The following SENP1 variants were observed in gnomAD, a reference collection of about 807,000 sequenced individuals.
SENP1 encodes the protein SUMO specific peptidase 1.
SENP1 carries 21 observed loss-of-function variants against 93.0 expected under a neutral mutation model. The observed-to-expected ratio is 0.23, with a 90% confidence interval of 0.16 to 0.33. SENP1 has a LOEUF of 0.33. Ranked by LOEUF, SENP1 falls within the 10% of genes least tolerant of loss-of-function variation. SENP1 has a pLI of 1.00. For synonymous variants in SENP1, 256 were observed against 259.6 expected, an observed-to-expected ratio of 0.99 and a Z score of 0.13; for missense variants, 591 against 758.7, an observed-to-expected ratio of 0.78 and a Z score of 2.60.
chr12:48,063,074 C>T (rs1943063967), intron 13 of SENP1, among the ~76,000 whole-genome samples: 1 of 152,084 alleles, frequency 6.6e-6, no homozygotes, highest in African/African-American at 2.4e-5. Flanking sequence ...AAACAGGTAC[C>T]TACAGGTTTA....
intron 12 of SENP1, 70 bp downstream of exon 12, chr12:48,064,995 G>A: frequency 8.6e-7 from 1 of 1,169,518 alleles, no homozygotes; most frequent in East Asian, 2.3e-5. Context: ...TTTTATGTTT[G>A]AAACTCATCC....
At chr12:48,062,530 G>A (rs1943026239) in intron 13 of SENP1, among the ~76,000 whole-genome samples, 2 of 152,170 alleles carry the variant, frequency 1.3e-5, no homozygotes, top group African/African-American at 4.8e-5. Context: ...AAAAGAATGG[G>A]GCTGGCCCCA....
intron 13 of SENP1, among the ~76,000 whole-genome samples, chr12:48,051,868 C>T (rs537423900): frequency 6.6e-6 from 1 of 152,324 alleles, no homozygotes; most frequent in South Asian, 2.1e-4. Flanking sequence ...GAGTCCTGTG[C>T]TTGCTATTTG....
intron 13 of SENP1, among the ~76,000 whole-genome samples, chr12:48,053,334 C>T: frequency 6.6e-6 from 1 of 151,844 alleles, no homozygotes; most frequent in East Asian, 1.9e-4. Context: ...ACAAAAAAGC[C>T]AGGCATGGTG....
Position 48,088,901 on chromosome 12 carries a change from C to T in SENP1, c.280G>A (p.Ala94Thr), listed in dbSNP as rs1220214600. ...SGDLRTFGQS[A>T]NGQWRNSTPS... The stretch of plus-strand genomic sequence containing the variant: ...GTAGAATTTCTCCATTGGCCATTTG[C>T]ACTCTGGCCAAAGGTTCTTAAATCG... The change falls in exon 5 of 18, where the codon GCA becomes ACA. Residue 94 changes from alanine (A) to threonine (T), a missense_variant. Around this residue, in one of 4 missense-constraint regions of SENP1, gnomAD observed 214 missense variants for 243.4 expected, o/e 0.88. Coordinates refer to ENST00000549518, the MANE Select transcript of SENP1 (RefSeq NM_001267594.2). 8 of 1,599,570 alleles carry T rather than the reference C, an allele frequency of 5.0e-6. No individual in the cohort carries two copies. The highest frequency in any genetic ancestry group is 6.8e-6 in the Non-Finnish European group (8 of 1,172,236).
At position 48,056,972 on chromosome 12, in the gene SENP1, TACATATTACATATATAAATATATTATTTA is replaced by T. The variant is rs1565746559; in HGVS notation, c.1407+6709_1407+6737del. Among the ~76,000 whole-genome samples, 13 of 44,948 alleles carry T rather than the reference TACATATTACATATATAAATATATTATTTA, an allele frequency of 2.9e-4. 1 individual carries two copies. Among genetic ancestry groups the T allele is most frequent in the African/African-American group, 1.4e-3 (8 of 5,530 alleles). The allele number at this position is 44,948 out of a possible 152,430, so 29.5% of individuals were successfully genotyped here. ...ATATATAATATATTATTTAATATAT[TACATATTACATATATAAATATATTATTTA>T]ATATATTACATATTACATATATAAA... On this transcript the variant is annotated intron_variant, in intron 13 of 17. Coordinates refer to ENST00000549518, the MANE Select transcript of SENP1 (RefSeq NM_001267594.2).
Position 48,085,481 on chromosome 12 carries a change from C to T in SENP1, c.381-1719G>A, listed in dbSNP as rs376976820. 510 of 592,022 alleles carry T rather than the reference C, an allele frequency of 8.6e-4. 16 individuals carry two copies. The South Asian group carries it at 0.013, about 15-fold the overall frequency. 36.7% of individuals were successfully genotyped at this position (592,022 alleles called of 1,614,324 possible). On this transcript the variant is annotated intron_variant, in intron 5 of 17. Transcript: ENST00000549518. ...CCTTCCCTCATTCTCAGGCCTCTCC[C>T]CAGGCTTGCCATCAGCCTTCTTTAC...
intron 8 of SENP1, 38 bp from the exon 9 acceptor site, chr12:48,071,759 T>G (rs938733066): frequency 1.3e-5 from 18 of 1,367,230 alleles, no homozygotes; most frequent in Non-Finnish European, 1.9e-5. Context: ...GTAATAAAAC[T>G]CCACAAAGTT....
rs775411964 is a variant in SENP1 at position 48,074,509 on chromosome 12, G to A, written c.755C>T (p.Ser252Leu). 12 of 1,613,902 alleles carry A rather than the reference G, an allele frequency of 7.4e-6. No homozygotes were observed. In the South Asian group the frequency reaches 1.2e-4, roughly 16 times the overall value. ...AGTTAAAATGCTGGCAGATCCAGAT[G>A]ATGAAGTATCAGAGCCAATGATCTG... is the stretch of plus-strand genomic sequence containing the variant. Reference protein sequence around the residue: ...ASQIIGSDTSSSGSASILTNQ... With the variant: ...ASQIIGSDTSLSGSASILTNQ... Residue 252 changes from serine (S) to leucine (L), a missense_variant, in exon 8 of 18, where the codon TCA (serine) becomes TTA (leucine). This residue lies in a region of SENP1 where 238 missense variants were observed against 259.1 expected (regional missense o/e 0.92). Coordinates refer to ENST00000549518, the MANE Select transcript of SENP1 (RefSeq NM_001267594.2).
At chr12:48,074,208 TC>T (rs377090814) in intron 8 of SENP1, 115 bp downstream of exon 8, 701 of 915,362 alleles carry the variant, frequency 7.7e-4, no homozygotes, top group East Asian at 6.3e-3. Context: ...CTTCATATTT[TC>T]AGATTCGGTA....
At chr12:48,103,265 T>C (rs1329129629) in intron 1 of SENP1, among the ~76,000 whole-genome samples, 1 of 152,176 alleles carries the variant, frequency 6.6e-6, no homozygotes, top group Non-Finnish European at 1.5e-5. Flanking sequence ...TTTTACCGAT[T>C]ATATCCAGAG....
chr12:48,084,613 T>C (rs1944718136), intron 5 of SENP1, among the ~76,000 whole-genome samples: 1 of 151,884 alleles, frequency 6.6e-6, no homozygotes, highest in South Asian at 2.1e-4. Context: ...CACACCCAGG[T>C]GATTTTTGTA....
chr12:48,102,425 C>A, intron 1 of SENP1, among the ~76,000 whole-genome samples: 1 of 104,188 alleles, frequency 9.6e-6, no homozygotes, highest in African/African-American at 4.2e-5. Flanking sequence ...GAGCAAGACT[C>A]TGTCTCAAAA....
At chr12:48,064,380 A>C (rs1943154553) in intron 12 of SENP1, among the ~76,000 whole-genome samples, 2 of 152,212 alleles carry the variant, frequency 1.3e-5, no homozygotes. Context: ...TTATCTAAAA[A>C]TGTACACAGA....
At chr12:48,056,678 C>T (rs867885382) in intron 13 of SENP1, among the ~76,000 whole-genome samples, 1 of 90,436 alleles carries the variant, frequency 1.1e-5, no homozygotes, top group Admixed American at 1.9e-4. Context: ...TTACATATTA[C>T]ATATATAAAT....
intron 6 of SENP1, among the ~76,000 whole-genome samples, chr12:48,076,192 C>T (rs1190879269): frequency 6.6e-6 from 1 of 152,238 alleles, no homozygotes; most frequent in Non-Finnish European, 1.5e-5. Flanking sequence ...AACCACCAAT[C>T]CTCAAAACAT....
rs79657807 is a variant in SENP1 at position 48,085,539 on chromosome 12, C to A, written c.381-1777G>T. On this transcript the variant is annotated intron_variant, in intron 5 of 17. Transcript: ENST00000549518. ...GCCTCTAATTTCCAAGTCCCTGCCC[C>A]TTCCCACTCCATTAAGAGGCTAGGT... 352 of 503,980 alleles carry A rather than the reference C, an allele frequency of 7.0e-4. 2 individuals carry two copies. In the East Asian group the frequency reaches 0.01, roughly 15 times the overall value. 31.2% of individuals were successfully genotyped at this position (503,980 alleles called of 1,614,324 possible).
intron 3 of SENP1, among the ~76,000 whole-genome samples, chr12:48,096,870 C>T (rs1049732697): frequency 2.6e-5 from 4 of 151,998 alleles, no homozygotes; most frequent in Admixed American, 1.3e-4. Flanking sequence ...TTTGCAAAGC[C>T]GAGGCAGAAG....
At chr12:48,096,287 G>T in intron 4 of SENP1, 56 bp downstream of exon 4, 2 of 930,412 alleles carry the variant, frequency 2.1e-6, no homozygotes, top group Non-Finnish European at 3.4e-6. Flanking sequence ...TAAACGATAT[G>T]CTATCAAGAA....
Sources: gnomAD v4.1 joint callset for allele counts (sites outside exome capture counted in the v4.1 genomes callset) on GRCh38, gnomAD v4.1.1 for gene constraint, gnomAD v4.1.1 regional missense constraint, MANE v1.5 for transcripts, NCBI Gene and HGNC (gene_info 2026-07-23, HGNC 2026-07-21) for gene names.